The following SSC5D variants were observed in gnomAD, a reference collection of about 807,000 sequenced individuals.
The protein encoded by SSC5D is soluble scavenger receptor cysteine-rich domain-containing protein SSC5D.
A neutral mutation model predicts 104.6 loss-of-function variants in SSC5D; 106 were observed. The ratio of observed to expected loss-of-function variants is 1.01; its 90% CI spans 0.87 to 1.19. The LOEUF (loss-of-function observed/expected upper bound fraction) is 1.19, where lower values mean the gene tolerates loss of function less well. Ranked by LOEUF, SSC5D falls within the 50% of genes most tolerant of loss-of-function variation. The probability of loss-of-function intolerance (pLI) is 0.00; values close to 1 mark genes in which losing one functional copy is unlikely to be tolerated. For missense variants in SSC5D, 1,993 were observed against 2,153.8 expected (o/e 0.93, Z 1.48); for synonymous variants, 860 against 883.5 (o/e 0.97, Z 0.47).
At chr19:55,511,720 AT>A (rs1254458954) in intron 12 of SSC5D, among the ~76,000 whole-genome samples, 1 of 151,954 alleles carries the variant, frequency 6.6e-6, no homozygotes, top group East Asian at 1.9e-4. Context: ...GGACGAGACG[AT>A]GCTGGAGAAG....
chr19:55,497,757 T>A, intron 8 of SSC5D, 123 bp from the exon 9 acceptor site: 1 of 938,864 alleles, frequency 1.1e-6, no homozygotes, highest in Non-Finnish European at 1.5e-6. Context: ...AAAGGATGGA[T>A]GAATGGAGGG....
intron 12 of SSC5D, among the ~76,000 whole-genome samples, chr19:55,512,126 G>A (rs1227699918): frequency 6.6e-6 from 1 of 151,420 alleles, no homozygotes; most frequent in Admixed American, 6.6e-5. Context: ...CTTGACCCCG[G>A]GAGGCAGAGC....
At chr19:55,511,113 G>T (rs1448931446) in intron 12 of SSC5D, among the ~76,000 whole-genome samples, 1 of 152,180 alleles carries the variant, frequency 6.6e-6, no homozygotes, top group Non-Finnish European at 1.5e-5. Flanking sequence ...TTCCTAATGG[G>T]TATGGATATC....
At position 55,500,095 on chromosome 19, in the gene SSC5D, C is replaced by T; in HGVS notation, c.1985C>T (p.Ser662Leu). Reference sequence around the variant, plus strand: ...GCCCAAAGCCCCCCAGACCTAACCTCACAGACCACTGCAGCACTGACCACT... The same window carrying T: ...GCCCAAAGCCCCCCAGACCTAACCTTACAGACCACTGCAGCACTGACCACT... ...SRAQSPPDLT[S>L]QTTAALTTEA... Residue 662 changes from serine to leucine, a missense_variant, in exon 10 of 14, where the codon TCA (serine) becomes TTA (leucine). Around this residue, in one of 6 missense-constraint regions of SSC5D, gnomAD observed 1,101 missense variants for 1,085.0 expected, o/e 1.01. Coordinates refer to ENST00000389623, the MANE Select transcript of SSC5D (RefSeq NM_001144950.2). This position sits in a 1 kb window ranked among gnomAD's most constrained non-coding sequence, Gnocchi z 4.6. The T allele has an allele frequency of 6.4e-7, 1 of 1,551,676 alleles. No individual in the cohort carries two copies. Among genetic ancestry groups the T allele is most frequent in the South Asian group, 1.2e-5 (1 of 84,034 alleles).
In SSC5D at chr19:55,517,628, G is replaced by T. The variant is rs1481346264; in HGVS notation, c.3352G>T (p.Val1118Phe). Reference sequence around the variant, plus strand: ...CAGCCTTTCCCCTACCTCAGAGCAGGTCCCAGAATCTGACACAACCCCAGA... The same window carrying T: ...CAGCCTTTCCCCTACCTCAGAGCAGTTCCCAGAATCTGACACAACCCCAGA... ...VTSLSPTSEQ[V>F]PESDTTPDLD... The change falls in exon 14 of 14, where the codon GTC (valine) becomes TTC (phenylalanine). Residue 1118 changes from valine (V) to phenylalanine (F), a missense_variant. By Grantham distance (50) the Val-to-Phe change is conservative (BLOSUM62 -1). Around this residue, in one of 6 missense-constraint regions of SSC5D, gnomAD observed 423 missense variants for 409.2 expected, o/e 1.03. Transcript: ENST00000389623. 5.0e-5 allele frequency: 77 copies of T among 1,551,542 alleles called. No homozygotes were observed. The highest frequency in any genetic ancestry group is 6.5e-5 in the Non-Finnish European group (75 of 1,146,998).
At chr19:55,495,901 A>ATTTTTTTTTTTTTTTTTTTTTTTTTTT (rs36109915) in intron 8 of SSC5D, among the ~76,000 whole-genome samples, 2 of 98,710 alleles carry the variant, frequency 2.0e-5, no homozygotes. Flanking sequence ...GAGCCTGGCT[A>ATTTTTTTTTTTTTTTTTTTTTTTTTTT]TTTTTTTTTT....
chr19:55,499,980 A>C lies in SSC5D; in HGVS notation c.1870A>C (p.Met624Leu), dbSNP rs1987431252. Residue 624 changes from methionine (M) to leucine (L), a missense_variant, in exon 10 of 14, where the codon ATG (methionine) becomes CTG (leucine). Around this residue, in one of 6 missense-constraint regions of SSC5D, gnomAD observed 1,101 missense variants for 1,085.0 expected, o/e 1.01. Transcript: ENST00000389623. The part of the protein sequence containing the change: ...EKTTTKAPGK[M>L]PKSTKKWVTK... ...AACAACCACGAAGGCCCCAGGGAAAATGCCTAAGAGTACTAAGAAGTGGGT... is the reference window on the plus strand; with the variant it reads ...AACAACCACGAAGGCCCCAGGGAAACTGCCTAAGAGTACTAAGAAGTGGGT... 6 of 1,551,940 alleles carry C rather than the reference A, an allele frequency of 3.9e-6. No homozygotes were observed. Among genetic ancestry groups the C allele is most frequent in the Non-Finnish European group, 4.4e-6 (5 of 1,147,036 alleles).
rs780416502 is a variant in SSC5D at position 55,489,646 on chromosome 19, G to A, written c.345G>A (p.Ala115=). ...KAHICSHEED[A]GVVCAGQRVA... is the part of the protein sequence containing the mutation. ...ACATCTGCTCCCACGAGGAGGACGC[G>A]GGCGTCGTCTGCGCAGGTGAGGACA... The change falls in exon 3 of 14, where the codon GCG becomes GCA. Residue 115 remains alanine (A), a synonymous_variant. Transcript: ENST00000389623. 5.5e-5 allele frequency: 85 copies of A among 1,533,188 alleles called. No individual in the cohort carries two copies. In the African/African-American group the frequency reaches 9.0e-4, roughly 16 times the overall value. The allele number at this position is 1,533,188 out of a possible 1,614,324, so 95.0% of individuals were successfully genotyped here.
In SSC5D at chr19:55,501,169, C is replaced by T; in HGVS notation, c.2753C>T (p.Ser918Phe). The T allele has an allele frequency of 6.5e-7, 1 of 1,543,558 alleles. No homozygotes were observed. Among genetic ancestry groups the T allele is most frequent in the Non-Finnish European group, 8.7e-7 (1 of 1,143,714 alleles). ...PWRTTRRPGS[S>F]SPAIRRLPDT... The stretch of plus-strand genomic sequence containing the variant: ...AGGACCACCCGGCGCCCGGGTAGCT[C>T]CTCCCCAGCAATAAGGCGCCTGCCG... Residue 918 changes from serine to phenylalanine, a missense_variant, in exon 12 of 14, where the codon TCC becomes TTC. Physicochemically the swap from Ser to Phe is radical, Grantham distance 155. Around this residue, in one of 6 missense-constraint regions of SSC5D, gnomAD observed 423 missense variants for 409.2 expected, o/e 1.03. Transcript: ENST00000389623.
In SSC5D at chr19:55,513,612, G is replaced by T. The variant is rs534170887; in HGVS notation, c.2947+440G>T. 3.9e-5 allele frequency among the ~76,000 whole-genome samples: 6 copies of T among 152,292 alleles called. No individual in the cohort carries two copies. In the South Asian group the frequency reaches 8.3e-4, roughly 21 times the overall value. On this transcript the variant is annotated intron_variant, in intron 13 of 13. Coordinates refer to ENST00000389623, the MANE Select transcript of SSC5D (RefSeq NM_001144950.2). ...GAACCAAGAGGTTATTATCTAGACC[G>T]CTGGTCATCAACTAGGGTCGATTTT...
chr19:55,491,200 C>A, intron 6 of SSC5D, 120 bp downstream of exon 6: 2 of 1,161,792 alleles, frequency 1.7e-6, no homozygotes, highest in Non-Finnish European at 2.4e-6. Context: ...CTGCTCTCTG[C>A]ATGCCCAGCG....
At position 55,500,877 on chromosome 19, in the gene SSC5D, G is replaced by A; in HGVS notation, c.2617+73G>A. 6.6e-7 allele frequency: 1 copy of A among 1,506,738 alleles called. No homozygotes were observed. Among genetic ancestry groups the A allele is most frequent in the East Asian group, 2.5e-5 (1 of 40,512 alleles). 93.3% of individuals were successfully genotyped at this position (1,506,738 alleles called of 1,614,324 possible). On this transcript the variant is annotated intron_variant, in intron 11 of 13. Coordinates refer to ENST00000389623, the MANE Select transcript of SSC5D (RefSeq NM_001144950.2). The surrounding 1 kb of genome is among the most constrained non-coding windows in gnomAD (Gnocchi z 4.6). ...GAATGGAGTCAGGGTGGGGCCAGGT[G>A]ACGGCACCATGGTCGACTCTAAAGA...
intron 12 of SSC5D, among the ~76,000 whole-genome samples, chr19:55,512,686 T>A (rs898529461): frequency 6.6e-6 from 1 of 152,172 alleles, no homozygotes; most frequent in Admixed American, 6.5e-5. Context: ...TTTCTCCATG[T>A]TGGCCAGGCT....
chr19:55,491,435 C>G, intron 6 of SSC5D: 1 of 236,746 alleles, frequency 4.2e-6, no homozygotes, highest in Non-Finnish European at 8.2e-6. Context: ...CCTGCCTGCC[C>G]TCTGCCACCG....
rs902779583 is a variant in SSC5D at position 55,517,788 on chromosome 19, T to C, written c.3512T>C (p.Val1171Ala). ...CCCATCACAACCCTTAACCCTACTG[T>C]GACCCCTCACTTCCCTACCACCCCT... is the stretch of plus-strand genomic sequence containing the variant. ...PDPITTLNPTVTPHFPTTPHP... is the reference protein window; with the variant it reads ...PDPITTLNPTATPHFPTTPHP... Residue 1171 changes from valine (V) to alanine (A), a missense_variant, in exon 14 of 14, where the codon GTG becomes GCG. Coordinates refer to ENST00000389623, the MANE Select transcript of SSC5D (RefSeq NM_001144950.2). 27 of 1,471,720 alleles carry C rather than the reference T, an allele frequency of 1.8e-5. No homozygotes were observed. The highest frequency in any genetic ancestry group is 2.1e-5 in the Admixed American group (1 of 46,780). The allele number at this position is 1,471,720 out of a possible 1,614,324, so 91.2% of individuals were successfully genotyped here.
chr19:55,488,940 G>A (rs1987038802), intron 1 of SSC5D, 66 bp from the exon 2 acceptor site: 1 of 473,176 alleles, frequency 2.1e-6, no homozygotes, highest in East Asian at 3.1e-4. Flanking sequence ...TGAGGGGCCT[G>A]CGCTGGAGAA....
In SSC5D at chr19:55,503,970, T is replaced by G; in HGVS notation, c.2785+2769T>G. On this transcript the variant is annotated intron_variant, in intron 12 of 13. Coordinates refer to ENST00000389623, the MANE Select transcript of SSC5D (RefSeq NM_001144950.2). The surrounding 1 kb of genome is among the most constrained non-coding windows in gnomAD (Gnocchi z 4.0). ...TGGCCAGCCGGCGCATCGCCCGCAG[T>G]AATAATAGCTGGGCGAAGGGCAACC... The G allele has an allele frequency of 1.3e-6, 1 of 754,726 alleles. No individual in the cohort carries two copies. Among genetic ancestry groups the G allele is most frequent in the South Asian group, 2.1e-5 (1 of 48,548 alleles). 46.8% of individuals were successfully genotyped at this position (754,726 alleles called of 1,614,324 possible). A position where few individuals can be genotyped will look rare whatever the true frequency, so the allele number is the denominator to read the frequency against.
chr19:55,510,788 T>C (rs1987740549), intron 12 of SSC5D, among the ~76,000 whole-genome samples: 1 of 152,138 alleles, frequency 6.6e-6, no homozygotes, highest in Non-Finnish European at 1.5e-5. Flanking sequence ...TGTTTGCTTG[T>C]TTGTTTTTGA....
In SSC5D at chr19:55,494,719, G is replaced by A; in HGVS notation, c.1323G>A (p.Gly441=). The change falls in exon 8 of 14, where the codon GGG becomes GGA. Residue 441 remains glycine (G), a synonymous_variant. Coordinates refer to ENST00000389623, the MANE Select transcript of SSC5D (RefSeq NM_001144950.2). Reference sequence around the variant, plus strand: ...CCACCATGACGAGCCAGGCTCCAGGGACGGCAGGCGTTTCACCTCCTCCAG... The same window carrying A: ...CCACCATGACGAGCCAGGCTCCAGGAACGGCAGGCGTTTCACCTCCTCCAG... ...PPSTMTSQAP[G]TAGVSPPPAS... 1 of 1,550,400 alleles carries A rather than the reference G, an allele frequency of 6.4e-7. No individual in the cohort carries two copies. Among genetic ancestry groups the A allele is most frequent in the Non-Finnish European group, 8.7e-7 (1 of 1,146,682 alleles).
Sources: gnomAD v4.1 joint callset for allele counts (sites outside exome capture counted in the v4.1 genomes callset) on GRCh38, gnomAD v4.1.1 for gene constraint, gnomAD v4.1.1 regional missense constraint, Gnocchi (gnomAD v3.1) non-coding constraint, MANE v1.5 for transcripts, NCBI Gene and HGNC (gene_info 2026-07-23, HGNC 2026-07-21) for gene names.